Variants in NUBPL observed in about 807,000 individuals in gnomAD.
The protein encoded by NUBPL is NUBP iron-sulfur cluster assembly factor, mitochondrial, also known as iron-sulfur cluster transfer protein NUBPL.
Under a neutral mutation model 45.7 loss-of-function variants are expected in NUBPL, and 31 were observed. The ratio of observed to expected loss-of-function variants is 0.68; its 90% CI spans 0.51 to 0.92. The LOEUF (loss-of-function observed/expected upper bound fraction) is 0.92, where lower values mean the gene tolerates loss of function less well. NUBPL is among the 40% of genes least tolerant of loss of function. The pLI, the probability that NUBPL is intolerant of heterozygous loss-of-function variation, is 0.00. For synonymous variants in NUBPL, 144 were observed against 140.9 expected (o/e 1.02, Z -0.15); for missense variants, 401 against 398.7 (o/e 1.01, Z -0.05).
chr14:31,698,805 G>A (rs1272697257), intron 6 of NUBPL, among the ~76,000 whole-genome samples: 1 of 150,866 alleles, frequency 6.6e-6, no homozygotes, highest in Non-Finnish European at 1.5e-5. Flanking sequence ...TATTATTAAT[G>A]TGGTGTTGAT....
At chr14:31,663,642 C>G (rs893788916) in intron 4 of NUBPL, among the ~76,000 whole-genome samples, 1 of 152,090 alleles carries the variant, frequency 6.6e-6, no homozygotes, top group Admixed American at 6.6e-5. Context: ...GTTACTGTAG[C>G]CTTGTAGTAT....
intron 6 of NUBPL, among the ~76,000 whole-genome samples, chr14:31,778,781 C>A (rs1215667807): frequency 6.6e-6 from 1 of 152,162 alleles, no homozygotes; most frequent in Non-Finnish European, 1.5e-5. Flanking sequence ...GACCACTCAG[C>A]AATGGGAAGT....
At chr14:31,756,105 T>A (rs1220631234) in intron 6 of NUBPL, among the ~76,000 whole-genome samples, 1 of 151,714 alleles carries the variant, frequency 6.6e-6, no homozygotes, top group Admixed American at 6.6e-5. Context: ...TACTGTAGCC[T>A]TGTAGTATAG....
chr14:31,859,109 C>T lies in NUBPL; in HGVS notation c.898-9C>T. The T allele has an allele frequency of 6.2e-7, 1 of 1,613,208 alleles. No individual in the cohort carries two copies. The highest frequency in any genetic ancestry group is 8.5e-7 in the Non-Finnish European group (1 of 1,179,412). ...GAAATACAGAACAAATAAGTTTGTT[C>T]TTTTCCAGGCCAAAGCTTACTTGAG... On this transcript the variant is annotated splice_polypyrimidine_tract_variant and intron_variant, in intron 10 of 10. Coordinates refer to ENST00000281081, the MANE Select transcript of NUBPL (RefSeq NM_025152.3).
rs2040684022 is a variant in NUBPL, at chr14:31,859,822, TTG to T, written c.*647_*648del. 1 of 156,300 alleles carries T rather than the reference TTG, an allele frequency of 6.4e-6. No individual in the cohort carries two copies. The highest frequency in any genetic ancestry group is 1.9e-4 in the South Asian group (1 of 5,214). 9.7% of individuals were successfully genotyped at this position (156,300 alleles called of 1,614,324 possible). On this transcript the variant is annotated 3_prime_UTR_variant, in exon 11 of 11. Coordinates refer to ENST00000281081, the MANE Select transcript of NUBPL (RefSeq NM_025152.3). ...AAGTTAATTATAATTGTTCTTCCAT[TTG>T]TGTGAGTGGGTACTATTATCTCCAT...
intron 6 of NUBPL, among the ~76,000 whole-genome samples, chr14:31,713,672 A>G (rs1046681989): frequency 6.6e-6 from 1 of 151,554 alleles, no homozygotes; most frequent in Non-Finnish European, 1.5e-5. Flanking sequence ...TTTTTCTTCT[A>G]TTTTTTTTCT....
intron 6 of NUBPL, among the ~76,000 whole-genome samples, chr14:31,691,091 T>C (rs896530786): frequency 1.3e-5 from 2 of 152,106 alleles, no homozygotes; most frequent in African/African-American, 4.8e-5. Context: ...ACGATGTATT[T>C]CCATACACTA....
At chr14:31,696,574 C>T (rs1207582640) in intron 6 of NUBPL, among the ~76,000 whole-genome samples, 2 of 151,974 alleles carry the variant, frequency 1.3e-5, no homozygotes, top group East Asian at 1.9e-4. Flanking sequence ...AATGACTTTT[C>T]GCCTGAGTGA....
At chr14:31,599,931 T>C (rs2034384325) in intron 4 of NUBPL, among the ~76,000 whole-genome samples, 1 of 150,492 alleles carries the variant, frequency 6.6e-6, no homozygotes. Context: ...TTTCTTTTTT[T>C]TTTTTTTTGA....
intron 2 of NUBPL, among the ~76,000 whole-genome samples, chr14:31,564,779 A>G (rs955160869): frequency 6.6e-6 from 1 of 152,128 alleles, no homozygotes; most frequent in Non-Finnish European, 1.5e-5. Flanking sequence ...ACATGCATCT[A>G]TTGCATTTAT....
chr14:31,798,927 CA>C (rs2039526540), intron 7 of NUBPL, among the ~76,000 whole-genome samples: 1 of 150,678 alleles, frequency 6.6e-6, no homozygotes, highest in African/African-American at 2.4e-5. Context: ...TTGTAAGGAT[CA>C]AATAAGATAA....
intron 6 of NUBPL, among the ~76,000 whole-genome samples, chr14:31,692,021 G>GTCT (rs2037105700): frequency 6.6e-6 from 1 of 152,162 alleles, no homozygotes; most frequent in Non-Finnish European, 1.5e-5. Flanking sequence ...AAAAAAGCAT[G>GTCT]TCAGGATATA....
chr14:31,759,925 G>T (rs2038761644), intron 6 of NUBPL, among the ~76,000 whole-genome samples: 2 of 151,142 alleles, frequency 1.3e-5, no homozygotes, highest in East Asian at 1.9e-4. Context: ...GCTAAGCTAT[G>T]ATGTTTGGTA....
At chr14:31,658,628 T>C (rs1356585357) in intron 4 of NUBPL, among the ~76,000 whole-genome samples, 1 of 151,854 alleles carries the variant, frequency 6.6e-6, no homozygotes, top group East Asian at 1.9e-4. Flanking sequence ...TTCTCCCACC[T>C]CAGCCTCCTG....
intron 6 of NUBPL, among the ~76,000 whole-genome samples, chr14:31,682,435 C>T (rs1021818789): frequency 1.3e-5 from 2 of 152,068 alleles, no homozygotes; most frequent in Non-Finnish European, 2.9e-5. Flanking sequence ...TTGATTTCAA[C>T]ATTTAGTTGT....
chr14:31,580,040 A>G (rs2139489956), intron 3 of NUBPL, among the ~76,000 whole-genome samples: 1 of 152,366 alleles, frequency 6.6e-6, no homozygotes, highest in Admixed American at 6.5e-5. Context: ...GTTGTTTCAA[A>G]TAACATGCTT....
chr14:31,592,044 G>T (rs537908751), intron 3 of NUBPL, among the ~76,000 whole-genome samples: 1 of 152,294 alleles, frequency 6.6e-6, no homozygotes, highest in Admixed American at 6.5e-5. Context: ...TTAAGGATTA[G>T]TGCTGGTTTG....
intron 3 of NUBPL, among the ~76,000 whole-genome samples, chr14:31,576,871 G>A (rs1380347456): frequency 6.6e-6 from 1 of 152,210 alleles, no homozygotes; most frequent in Non-Finnish European, 1.5e-5. Flanking sequence ...AGTTCAGGTA[G>A]GATTGTTGAT....
intron 3 of NUBPL, among the ~76,000 whole-genome samples, chr14:31,592,740 A>C (rs753189083): frequency 6.6e-6 from 1 of 152,072 alleles, no homozygotes; most frequent in Non-Finnish European, 1.5e-5. Flanking sequence ...TGTATTATCT[A>C]TATTTCTGTT....
Sources: gnomAD v4.1 joint callset for allele counts (sites outside exome capture counted in the v4.1 genomes callset) on GRCh38, gnomAD v4.1.1 for gene constraint, MANE v1.5 for transcripts, NCBI Gene and HGNC (gene_info 2026-07-23, HGNC 2026-07-21) for gene names.